ADD1: variants seen among roughly 807,000 people sequenced by gnomAD.
ADD1 encodes adducin 1, also known as alpha-adducin.
A neutral mutation model predicts 80.5 loss-of-function variants in ADD1; 24 were observed. The ratio of observed to expected loss-of-function variants is 0.30; its 90% CI spans 0.22 to 0.42. The LOEUF is 0.42. ADD1 is among the 10% of genes least tolerant of loss of function. The pLI is 1.00. For missense variants in ADD1, 948 were observed against 1,019.0 expected, an observed-to-expected ratio of 0.93 and a Z score of 0.95; for synonymous variants, 373 against 393.8, an observed-to-expected ratio of 0.95 and a Z score of 0.63.
intron 8 of ADD1, 129 bp from the exon 9 acceptor site, chr4:2,899,130 C>A: frequency 1.1e-6 from 1 of 913,662 alleles, no homozygotes; most frequent in Non-Finnish European, 1.6e-6. Flanking sequence ...TGTCACTATC[C>A]ATTCTACATT....
chr4:2,866,701 A>G (rs144975231), intron 1 of ADD1, among the ~76,000 whole-genome samples: 8 of 152,260 alleles, frequency 5.3e-5, no homozygotes, highest in Admixed American at 3.3e-4. Flanking sequence ...CTGTGCTGCA[A>G]TACAGTAGAT....
chr4:2,912,634 C>A (rs1206294643), intron 13 of ADD1, among the ~76,000 whole-genome samples: 2 of 152,192 alleles, frequency 1.3e-5, no homozygotes, highest in African/African-American at 4.8e-5. Context: ...CAAAAGAATC[C>A]TCCCACCTCA....
chr4:2,896,139 G>A (rs974484111), intron 6 of ADD1, among the ~76,000 whole-genome samples: 2 of 151,872 alleles, frequency 1.3e-5, no homozygotes, highest in African/African-American at 4.8e-5. Context: ...CGCCCGCTTC[G>A]GCCTCCCAAA....
chr4:2,920,657 C>CTTTTTTTT (rs55649630), intron 14 of ADD1, among the ~76,000 whole-genome samples: 90 of 136,510 alleles, frequency 6.6e-4, no homozygotes, highest in Admixed American at 2.0e-3. Context: ...GCAACTCCTG[C>CTTTTTTTT]TTTTTTTTTT....
At chr4:2,845,133 C>T (rs1346275333) in intron 1 of ADD1, among the ~76,000 whole-genome samples, 1 of 151,920 alleles carries the variant, frequency 6.6e-6, no homozygotes, top group Non-Finnish European at 1.5e-5. Context: ...AGTACAGTGG[C>T]GCGATCTCCA....
chr4:2,849,907 G>GA (rs1328459298), intron 1 of ADD1, among the ~76,000 whole-genome samples: 1 of 152,166 alleles, frequency 6.6e-6, no homozygotes, highest in African/African-American at 2.4e-5. Flanking sequence ...TTCTCCATCG[G>GA]AAAATTAAGT....
chr4:2,894,495 A>G, intron 5 of ADD1, 87 bp from the exon 6 acceptor site: 1 of 1,293,858 alleles, frequency 7.7e-7, no homozygotes, highest in Non-Finnish European at 1.0e-6. Context: ...TGGGCGACAG[A>G]GCCAGACCCT....
At chr4:2,871,262 T>A (rs1427983840) in intron 1 of ADD1, among the ~76,000 whole-genome samples, 1 of 152,138 alleles carries the variant, frequency 6.6e-6, no homozygotes, top group Non-Finnish European at 1.5e-5. Flanking sequence ...TGAGCCACCG[T>A]GCCTGGCCAA....
In ADD1 at chr4:2,898,263, A is replaced by G. The variant is rs1038706433; in HGVS notation, c.821A>G (p.His274Arg). The G allele has an allele frequency of 3.1e-6, 5 of 1,614,086 alleles. No homozygotes were observed. In the Admixed American group the frequency reaches 5.0e-5, roughly 16 times the overall value. ...SLGEVAYHDY[H>R]GILVDEEEKV... is the part of the protein sequence containing the mutation. ...GGAGAAGTGGCTTATCATGACTACC[A>G]TGGCATTCTGGTTGATGAAGAGGAA... The change falls in exon 7 of 16, where the codon CAT (histidine) becomes CGT (arginine). Residue 274 changes from histidine (H) to arginine (R), a missense_variant. Physicochemically the swap from His to Arg is conservative, Grantham distance 29. Coordinates refer to ENST00000683351, the MANE Select transcript of ADD1 (RefSeq NM_001354761.2).
At chr4:2,884,880 G>A (rs1375277918) in intron 4 of ADD1, among the ~76,000 whole-genome samples, 1 of 152,118 alleles carries the variant, frequency 6.6e-6, no homozygotes. Flanking sequence ...TTTCTTTCTT[G>A]CGTGCTAACC....
At chr4:2,917,907 G>C (rs1739349688) in intron 14 of ADD1, among the ~76,000 whole-genome samples, 1 of 152,192 alleles carries the variant, frequency 6.6e-6, no homozygotes, top group South Asian at 2.1e-4. Context: ...CCAGTACCGT[G>C]CTGTTTTGGT....
chr4:2,921,268 C>T (rs1739987565), intron 14 of ADD1, among the ~76,000 whole-genome samples: 1 of 152,156 alleles, frequency 6.6e-6, no homozygotes, highest in South Asian at 2.1e-4. Context: ...GCTGGGACTA[C>T]AGGTGCACGC....
chr4:2,863,822 G>A (rs1003149263), intron 1 of ADD1, among the ~76,000 whole-genome samples: 1 of 152,102 alleles, frequency 6.6e-6, no homozygotes, highest in Non-Finnish European at 1.5e-5. Context: ...TCCTGCCTCA[G>A]CCTCCCAAGT....
intron 2 of ADD1, 86 bp downstream of exon 2, chr4:2,876,196 T>C: frequency 7.6e-7 from 1 of 1,315,714 alleles, no homozygotes; most frequent in Non-Finnish European, 1.0e-6. Flanking sequence ...ATGAGTGGCA[T>C]AGTTCATTGA....
intron 1 of ADD1, among the ~76,000 whole-genome samples, chr4:2,868,947 G>A (rs1319136176): frequency 6.6e-6 from 1 of 152,130 alleles, no homozygotes; most frequent in Admixed American, 6.5e-5. Context: ...TTAAAAATAT[G>A]TGGAACACCT....
At chr4:2,894,944 A>C (rs1233235091) in intron 6 of ADD1, among the ~76,000 whole-genome samples, 1 of 152,166 alleles carries the variant, frequency 6.6e-6, no homozygotes, top group Non-Finnish European at 1.5e-5. Context: ...AAAAACATGT[A>C]ATAAGTCTGA....
chr4:2,880,162 C>T (rs1192113944), intron 2 of ADD1, among the ~76,000 whole-genome samples: 5 of 152,114 alleles, frequency 3.3e-5, no homozygotes, highest in Admixed American at 6.5e-5. Context: ...CCCTTCCTCA[C>T]GGATGACTAC....
intron 1 of ADD1, among the ~76,000 whole-genome samples, chr4:2,862,477 A>C (rs1376876456): frequency 6.6e-6 from 1 of 152,232 alleles, no homozygotes; most frequent in Non-Finnish European, 1.5e-5. Context: ...ATAAACAGAC[A>C]GCCTTATTCC....
intron 14 of ADD1, among the ~76,000 whole-genome samples, chr4:2,922,163 A>C (rs1740163131): frequency 1.3e-5 from 2 of 152,010 alleles, no homozygotes; most frequent in South Asian, 4.1e-4. Flanking sequence ...TTCTCTGTCC[A>C]GTTTTGTTCC....
Sources: allele counts gnomAD v4.1 joint callset (sites outside exome capture counted in the v4.1 genomes callset), GRCh38; gene constraint gnomAD v4.1.1; transcripts MANE v1.5; gene names NCBI Gene and HGNC (gene_info 2026-07-23, HGNC 2026-07-21).